MARK1: variants seen among roughly 807,000 people sequenced by gnomAD.
MARK1 encodes the protein serine/threonine-protein kinase MARK1.
MARK1 carries 40 observed loss-of-function variants against 96.3 expected under a neutral mutation model. That is an observed-to-expected ratio of 0.42 (90% CI 0.32 to 0.54). The LOEUF (loss-of-function observed/expected upper bound fraction) is 0.54. Among genes scored for constraint, MARK1 ranks in the 20% least tolerant of loss-of-function variants. The pLI, the probability that MARK1 is intolerant of heterozygous loss-of-function variation, is 0.16. For synonymous variants in MARK1, 317 were observed against 341.2 expected, an observed-to-expected ratio of 0.93 and a Z score of 0.78; for missense variants, 719 against 984.6, an observed-to-expected ratio of 0.73 and a Z score of 3.61.
chr1:220,635,446 A>G lies in MARK1; in HGVS notation c.1193A>G (p.Asn398Ser). 1 of 1,613,808 alleles carries G rather than the reference A, an allele frequency of 6.2e-7. No homozygotes were observed. The highest frequency in any genetic ancestry group is 8.5e-7 in the Non-Finnish European group (1 of 1,179,952). The change falls in exon 12 of 18, where the codon AAC becomes AGC. Residue 398 changes from asparagine to serine, a missense_variant. Coordinates refer to ENST00000366917, the MANE Select transcript of MARK1 (RefSeq NM_018650.5). ...TCCCGGCCCAGTAGTGACTTAAACA[A>G]CAGCACTCTTCAGTCCCCTGCTCAC... ...QRSRPSSDLNNSTLQSPAHLK... is the reference protein window; with the variant it reads ...QRSRPSSDLNSSTLQSPAHLK...
At chr1:220,599,301 A>G (rs893702180) in intron 4 of MARK1, among the ~76,000 whole-genome samples, 1 of 152,132 alleles carries the variant, frequency 6.6e-6, no homozygotes. Context: ...ATCTGTATAT[A>G]GTTGTTAAAG....
At chr1:220,661,444 A>G (rs893261383) in intron 17 of MARK1, among the ~76,000 whole-genome samples, 2 of 152,236 alleles carry the variant, frequency 1.3e-5, no homozygotes, top group African/African-American at 2.4e-5. Context: ...TATTTCAAAA[A>G]TGTATATTTA....
At chr1:220,543,706 A>G (rs896147710) in intron 1 of MARK1, among the ~76,000 whole-genome samples, 4 of 152,216 alleles carry the variant, frequency 2.6e-5, no homozygotes, top group African/African-American at 9.6e-5. Context: ...GTACTCAACA[A>G]TTTAATAAAC....
intron 7 of MARK1, 138 bp downstream of exon 7, chr1:220,616,133 C>T: frequency 5.0e-6 from 2 of 398,848 alleles, no homozygotes; most frequent in Non-Finnish European, 4.4e-6. Context: ...TTGATTCTCA[C>T]AGCAACTTTA....
At chr1:220,583,960 C>T (rs1240863281) in intron 3 of MARK1, among the ~76,000 whole-genome samples, 1 of 151,728 alleles carries the variant, frequency 6.6e-6, no homozygotes, top group Non-Finnish European at 1.5e-5. Flanking sequence ...GCCACTGCAC[C>T]CTGCCTCCTG....
intron 1 of MARK1, among the ~76,000 whole-genome samples, chr1:220,549,828 A>C (rs535294977): frequency 9.8e-5 from 15 of 152,366 alleles, no homozygotes; most frequent in African/African-American, 3.1e-4. Context: ...TATCTGTAAA[A>C]CAAAGATAAT....
intron 13 of MARK1, among the ~76,000 whole-genome samples, chr1:220,646,108 G>A (rs1265044501): frequency 2.6e-5 from 4 of 152,168 alleles, no homozygotes; most frequent in Non-Finnish European, 4.4e-5. Flanking sequence ...AGGAAGAGAG[G>A]AAGTCAAATT....
At chr1:220,622,152 G>GT (rs559820463) in intron 9 of MARK1, among the ~76,000 whole-genome samples, 12 of 151,762 alleles carry the variant, frequency 7.9e-5, no homozygotes, top group Non-Finnish European at 1.2e-4. Flanking sequence ...GTACACTAGG[G>GT]TTTTTTTTAA....
chr1:220,607,081 G>A (rs944565223), intron 6 of MARK1, among the ~76,000 whole-genome samples: 1 of 152,070 alleles, frequency 6.6e-6, no homozygotes, highest in African/African-American at 2.4e-5. Flanking sequence ...AGCTTGATGG[G>A]GATGGCATTG....
At chr1:220,656,627 A>G (rs1177901594) in intron 16 of MARK1, among the ~76,000 whole-genome samples, 1 of 152,156 alleles carries the variant, frequency 6.6e-6, no homozygotes, top group Non-Finnish European at 1.5e-5. Flanking sequence ...AAAATGTTTT[A>G]TTTATTTCAA....
intron 1 of MARK1, among the ~76,000 whole-genome samples, chr1:220,572,398 C>T (rs1265358894): frequency 6.6e-6 from 1 of 152,114 alleles, no homozygotes; most frequent in African/African-American, 2.4e-5. Flanking sequence ...TGTGCCACCA[C>T]ACCTGGCTAA....
intron 6 of MARK1, among the ~76,000 whole-genome samples, chr1:220,604,831 A>G (rs74139786): frequency 0.011 from 1,707 of 152,272 alleles, 26 homozygotes; most frequent in African/African-American, 0.039. Context: ...TTGTAAGCAT[A>G]CATATAAGTT....
chr1:220,586,086 G>A (rs1028052358), intron 3 of MARK1, among the ~76,000 whole-genome samples: 30 of 152,084 alleles, frequency 2.0e-4, no homozygotes, highest in African/African-American at 6.5e-4. Flanking sequence ...TGCAAAATAC[G>A]TCTGTGAATA....
rs1553326399 is a variant in MARK1 at position 220,598,398 on chromosome 1, T to TATTA, written c.358+19_358+20insATTA. The TATTA allele has an allele frequency of 4.0e-4, 85 of 213,928 alleles. No individual in the cohort carries two copies. Among genetic ancestry groups the TATTA allele is most frequent in the East Asian group, 3.1e-4 (2 of 6,350 alleles). The allele number at this position is 213,928 out of a possible 1,614,324, so 13.3% of individuals were successfully genotyped here. ...AATATAGGTATGAAATATATATATA[T>TATTA]TATATATATATATATATATAATTAG... is the stretch of plus-strand genomic sequence containing the variant. On this transcript the variant is annotated intron_variant, in intron 4 of 17. Coordinates refer to ENST00000366917, the MANE Select transcript of MARK1 (RefSeq NM_018650.5).
In MARK1 at chr1:220,623,224, T is replaced by C. The variant is rs555277474; in HGVS notation, c.909+4469T>C. 5.3e-5 allele frequency among the ~76,000 whole-genome samples: 8 copies of C among 152,262 alleles called. No individual in the cohort carries two copies. The East Asian group carries it at 1.2e-3, about 22-fold the overall frequency. On this transcript the variant is annotated intron_variant, in intron 9 of 17. Coordinates refer to ENST00000366917, the MANE Select transcript of MARK1 (RefSeq NM_018650.5). Reference sequence around the variant, plus strand: ...ACATGAGCTCTCTCCTGTCACCCAGTACCTCCATTTTCTGGGAAAGTTTTT... The same window carrying C: ...ACATGAGCTCTCTCCTGTCACCCAGCACCTCCATTTTCTGGGAAAGTTTTT...
In MARK1 at chr1:220,654,545, AATT is replaced by A. The variant is rs1238168820; in HGVS notation, c.1988+1195_1988+1197del. 1.3e-5 allele frequency among the ~76,000 whole-genome samples: 2 copies of A among 152,330 alleles called. No homozygotes were observed. The highest frequency in any genetic ancestry group is 1.5e-5 in the Non-Finnish European group (1 of 68,024). On this transcript the variant is annotated intron_variant, in intron 16 of 17. Transcript: ENST00000366917. This position sits in a 1 kb window ranked among gnomAD's most constrained non-coding sequence, Gnocchi z 4.0. ...GTCAGTGACTTTGTACCATTGGGGC[AATT>A]ACTATGCAGCATGAAACTTGCTAGA... is the stretch of plus-strand genomic sequence containing the variant.
chr1:220,565,131 A>G (rs1662956574), intron 1 of MARK1, among the ~76,000 whole-genome samples: 1 of 152,218 alleles, frequency 6.6e-6, no homozygotes, highest in African/African-American at 2.4e-5. Context: ...TTCATTAAGA[A>G]TAGAACAGTA....
At chr1:220,555,522 A>G (rs1365889496) in intron 1 of MARK1, among the ~76,000 whole-genome samples, 1 of 152,138 alleles carries the variant, frequency 6.6e-6, no homozygotes, top group African/African-American at 2.4e-5. Context: ...CGTGTTTTGG[A>G]GCTAAGGTTG....
At chr1:220,593,788 G>A (rs995797765) in intron 3 of MARK1, among the ~76,000 whole-genome samples, 1 of 152,140 alleles carries the variant, frequency 6.6e-6, no homozygotes, top group Non-Finnish European at 1.5e-5. Context: ...TCAGACCAAG[G>A]GACCCCATGG....
Sources: gnomAD v4.1 joint callset for allele counts (sites outside exome capture counted in the v4.1 genomes callset) on GRCh38, gnomAD v4.1.1 for gene constraint, Gnocchi (gnomAD v3.1) non-coding constraint, MANE v1.5 for transcripts, NCBI Gene and HGNC (gene_info 2026-07-23, HGNC 2026-07-21) for gene names.